Variants in ENTREP2 observed in about 807,000 individuals in gnomAD.
ENTREP2 encodes the protein protein ENTREP2.
At chr15:29,239,488 C>T in the ENTREP2 span, among the ~76,000 whole-genome samples, 1 of 151,992 alleles carries the variant, frequency 6.6e-6, no homozygotes. Context: ...CCAGGGACAC[C>T]CCTCTTTAAT....
chr15:29,268,504 G>A, the ENTREP2 span: 1 of 393,104 alleles, frequency 2.5e-6, no homozygotes, highest in Non-Finnish European at 4.5e-6. Flanking sequence ...TGCATTATCT[G>A]TTCCAGATCA....
chr15:29,239,485 C>T, the ENTREP2 span, among the ~76,000 whole-genome samples: 1 of 151,476 alleles, frequency 6.6e-6, no homozygotes, highest in Non-Finnish European at 1.5e-5. Flanking sequence ...CTCCCAGGGA[C>T]ACCCCTCTTT....
the ENTREP2 span, among the ~76,000 whole-genome samples, chr15:29,175,934 G>A: frequency 6.6e-6 from 1 of 152,108 alleles, no homozygotes; most frequent in African/African-American, 2.4e-5. Flanking sequence ...CTACTTTCTG[G>A]GTCTTGATCG....
chr15:29,674,135 G>A, the ENTREP2 span, among the ~76,000 whole-genome samples: 55 of 149,844 alleles, frequency 3.7e-4, 3 homozygotes, highest in African/African-American at 1.3e-3. Flanking sequence ...GGATGGGGGG[G>A]GGGGGGGGCT....
At chr15:29,184,246 A>G in the ENTREP2 span, among the ~76,000 whole-genome samples, 1 of 152,166 alleles carries the variant, frequency 6.6e-6, no homozygotes, top group Non-Finnish European at 1.5e-5. Context: ...CGGCCTCCCA[A>G]AGTGCTGGGA....
the ENTREP2 span, among the ~76,000 whole-genome samples, chr15:29,645,037 C>G: frequency 6.6e-6 from 1 of 151,998 alleles, no homozygotes; most frequent in Admixed American, 6.6e-5. Context: ...GGAAACACGG[C>G]AAGGTGCCAT....
At chr15:29,305,596 G>C in the ENTREP2 span, among the ~76,000 whole-genome samples, 2 of 152,124 alleles carry the variant, frequency 1.3e-5, no homozygotes, top group Non-Finnish European at 2.9e-5. Context: ...GAGAGGGAGT[G>C]GCGAGAGTCA....
the ENTREP2 span, among the ~76,000 whole-genome samples, chr15:29,529,995 G>C: frequency 1.8e-4 from 27 of 152,016 alleles, no homozygotes; most frequent in Non-Finnish European, 2.5e-4. Context: ...TTCACCACAC[G>C]GCCTCTGCAG....
chr15:29,425,207 T>TTTTA, the ENTREP2 span, among the ~76,000 whole-genome samples: 5 of 151,022 alleles, frequency 3.3e-5, no homozygotes, highest in Admixed American at 6.6e-5. Flanking sequence ...TTGTTTTTTT[T>TTTTA]TTTGTATTTT....
At chr15:29,150,147 C>G in the ENTREP2 span, among the ~76,000 whole-genome samples, 1 of 152,298 alleles carries the variant, frequency 6.6e-6, no homozygotes, top group South Asian at 2.1e-4. Context: ...TTCCACTTCA[C>G]AGGTGAGGAA....
chr15:29,124,758 T>C, the ENTREP2 span: 4 of 1,550,460 alleles, frequency 2.6e-6, no homozygotes, highest in African/African-American at 1.4e-5. Context: ...TGAAGAGGCA[T>C]CGCCTTAACC....
chr15:29,570,727 G>A, the ENTREP2 span: 1 of 995,260 alleles, frequency 1.0e-6, no homozygotes. Context: ...GAGGCATCGC[G>A]CCGGGCGCCC....
At chr15:29,216,265 G>C in the ENTREP2 span, among the ~76,000 whole-genome samples, 1 of 152,114 alleles carries the variant, frequency 6.6e-6, no homozygotes, top group South Asian at 2.1e-4. Flanking sequence ...GCTGATAATT[G>C]TTTTGTTTCA....
At chr15:29,543,570 A>G in the ENTREP2 span, among the ~76,000 whole-genome samples, 1 of 152,138 alleles carries the variant, frequency 6.6e-6, no homozygotes, top group Non-Finnish European at 1.5e-5. Context: ...ATTTGAAGTC[A>G]GGAGTCGAGA....
the ENTREP2 span, among the ~76,000 whole-genome samples, chr15:29,160,184 G>A: frequency 1.2e-3 from 176 of 152,324 alleles, no homozygotes; most frequent in South Asian, 6.2e-4. Flanking sequence ...GCGGGGCCGC[G>A]GAGCCCACGC....
At chr15:29,204,408 G>A in the ENTREP2 span, among the ~76,000 whole-genome samples, 1 of 152,228 alleles carries the variant, frequency 6.6e-6, no homozygotes, top group Admixed American at 6.5e-5. Flanking sequence ...TGGGAAGGCT[G>A]AGCATGTAGG....
the ENTREP2 span, among the ~76,000 whole-genome samples, chr15:29,125,195 G>A: frequency 6.6e-6 from 1 of 152,218 alleles, no homozygotes; most frequent in South Asian, 2.1e-4. Context: ...GGGCCACAGA[G>A]TGGACCCATG....
At chr15:29,529,623 ACAGTCCCT>A in the ENTREP2 span, among the ~76,000 whole-genome samples, 1 of 151,998 alleles carries the variant, frequency 6.6e-6, no homozygotes, top group South Asian at 2.1e-4. Flanking sequence ...CCTGGGAGGG[ACAGTCCCT>A]CCAGCATCAG....
the ENTREP2 span, among the ~76,000 whole-genome samples, chr15:29,212,789 G>C: frequency 6.6e-6 from 1 of 152,186 alleles, no homozygotes; most frequent in Non-Finnish European, 1.5e-5. Context: ...AAGCTCTTTA[G>C]TTTAATTAGA....
Sources: allele counts gnomAD v4.1 joint callset (sites outside exome capture counted in the v4.1 genomes callset), GRCh38; gene constraint gnomAD v4.1.1; transcripts MANE v1.5; gene names NCBI Gene and HGNC (gene_info 2026-07-23, HGNC 2026-07-21).